YAE1: variants seen among roughly 807,000 people sequenced by gnomAD.
YAE1 encodes YAE1 maturation factor of ABCE1.
YAE1 carries 22 observed loss-of-function variants against 23.0 expected under a neutral mutation model. The observed-to-expected ratio is 0.96, with a 90% confidence interval of 0.68 to 1.37. The LOEUF is 1.37. Among genes scored for constraint, YAE1 ranks in the 40% most tolerant of loss-of-function variants. The pLI is 0.00. For synonymous variants in YAE1, 101 were observed against 97.0 expected (o/e 1.04, Z -0.24); for missense variants, 260 against 262.1 (o/e 0.99, Z 0.06).
At chr7:39,599,138 G>T (rs900455185) in intron 2 of YAE1, among the ~76,000 whole-genome samples, 2 of 151,986 alleles carry the variant, frequency 1.3e-5, no homozygotes, top group African/African-American at 4.8e-5. Flanking sequence ...TCCTAGAGAG[G>T]CTGAGGCTCG....
At chr7:39,594,107 AC>A (rs1790943667) in intron 2 of YAE1, among the ~76,000 whole-genome samples, 1 of 152,084 alleles carries the variant, frequency 6.6e-6, no homozygotes. Context: ...CAAACTCCAA[AC>A]TCTACCCCCT....
chr7:39,578,900 A>G (rs933637458), intron 2 of YAE1, among the ~76,000 whole-genome samples: 2 of 152,252 alleles, frequency 1.3e-5, no homozygotes, highest in Non-Finnish European at 2.9e-5. Flanking sequence ...AGTTAATATT[A>G]CAATATAGCA....
intron 1 of YAE1, among the ~76,000 whole-genome samples, chr7:39,568,958 C>T (rs1790521538): frequency 6.6e-6 from 1 of 152,076 alleles, no homozygotes; most frequent in Non-Finnish European, 1.5e-5. Flanking sequence ...GGCAAAGTTC[C>T]CATTTATGGG....
At chr7:39,580,389 G>C (rs990625661) in intron 2 of YAE1, among the ~76,000 whole-genome samples, 10 of 152,224 alleles carry the variant, frequency 6.6e-5, no homozygotes, top group African/African-American at 2.4e-4. Context: ...TCCTCAGTGT[G>C]TAACACTCCG....
chr7:39,597,316 T>C (rs1326835311), intron 2 of YAE1, among the ~76,000 whole-genome samples: 2 of 152,160 alleles, frequency 1.3e-5, no homozygotes, highest in Non-Finnish European at 2.9e-5. Context: ...ACACCTGTAA[T>C]CCCAGCACTT....
intron 2 of YAE1, among the ~76,000 whole-genome samples, chr7:39,581,384 A>G (rs1790740419): frequency 6.6e-6 from 1 of 152,248 alleles, no homozygotes; most frequent in South Asian, 2.1e-4. Flanking sequence ...TGACAATAGT[A>G]TAATGATAGC....
chr7:39,597,280 G>A (rs1236822224), intron 2 of YAE1, among the ~76,000 whole-genome samples: 1 of 152,188 alleles, frequency 6.6e-6, no homozygotes, highest in Non-Finnish European at 1.5e-5. Context: ...AGAAAAGAGA[G>A]AGGTTGAGGC....
At position 39,572,481 on chromosome 7, in the gene YAE1, T is replaced by C. The variant is rs1390850573; in HGVS notation, c.456T>C (p.Ile152=). 2.5e-6 allele frequency: 4 copies of C among 1,614,000 alleles called. No individual in the cohort carries two copies. The highest frequency in any genetic ancestry group is 3.4e-6 in the Non-Finnish European group (4 of 1,179,990). ...ATGTAGTTCCAGCTGAGAAAAAGAT[T>C]GATGAAGCTAAAGATGAAAGACTCT... The part of the protein sequence containing the change: ...LCHVVPAEKK[I]DEAKDERLCE... Residue 152 remains isoleucine, a synonymous_variant, in exon 3 of 3, where the codon ATT becomes ATC. Coordinates refer to ENST00000223273, the MANE Select transcript of YAE1 (RefSeq NM_020192.5).
downstream of YAE1, among the ~76,000 whole-genome samples, chr7:39,574,267 A>C (rs1790620133): frequency 6.6e-6 from 1 of 152,218 alleles, no homozygotes; most frequent in East Asian, 1.9e-4. Context: ...AGACTATTGG[A>C]TTGAAAACAT....
chr7:39,607,065 T>A (rs1253379289), intron 2 of YAE1, among the ~76,000 whole-genome samples: 1 of 152,238 alleles, frequency 6.6e-6, no homozygotes, highest in Non-Finnish European at 1.5e-5. Context: ...AAATGTCAAG[T>A]ATTCGCTACA....
At chr7:39,591,511 A>T (rs1338679170) in intron 2 of YAE1, among the ~76,000 whole-genome samples, 3 of 151,782 alleles carry the variant, frequency 2.0e-5, no homozygotes, top group African/African-American at 4.8e-5. Flanking sequence ...AGGATTTTTT[A>T]AAATAGACTT....
At chr7:39,599,110 C>T (rs1008759963) in intron 2 of YAE1, among the ~76,000 whole-genome samples, 3 of 151,930 alleles carry the variant, frequency 2.0e-5, no homozygotes, top group African/African-American at 7.3e-5. Context: ...CGAGGTGGTG[C>T]ATGGCTATAA....
intron 2 of YAE1, among the ~76,000 whole-genome samples, chr7:39,578,210 T>G (rs1339943011): frequency 6.6e-6 from 1 of 152,206 alleles, no homozygotes; most frequent in Non-Finnish European, 1.5e-5. Flanking sequence ...GCTAATCTGG[T>G]AGGGAGTTGG....
Position 39,566,454 on chromosome 7 carries a change from C to T in YAE1, c.36C>T (p.Gly12=). Residue 12 remains glycine (G), a synonymous_variant, in exon 1 of 3, where the codon GGC becomes GGT. Transcript: ENST00000223273. ...SWVQAASLIQ[G]PGDKGDVFDE... ...TTCAAGCAGCCTCCTTGATCCAGGGCCCTGGAGACAAAGGGGACGTGTTTG... is the reference window on the plus strand; with the variant it reads ...TTCAAGCAGCCTCCTTGATCCAGGGTCCTGGAGACAAAGGGGACGTGTTTG... 6.2e-7 allele frequency: 1 copy of T among 1,614,192 alleles called. No homozygotes were observed. The highest frequency in any genetic ancestry group is 1.1e-5 in the South Asian group (1 of 91,082).
Position 39,572,286 on chromosome 7 carries a change from C to T in YAE1, c.261C>T (p.Leu87=). The T allele has an allele frequency of 1.2e-6, 2 of 1,610,824 alleles. No individual in the cohort carries two copies. Among genetic ancestry groups the T allele is most frequent in the South Asian group, 1.1e-5 (1 of 90,484 alleles). The change falls in exon 3 of 3, where the codon CTC becomes CTT. Residue 87 remains leucine (L), a synonymous_variant. Transcript: ENST00000223273. ...GRLRGTLSAL[L]SWCHLHNNNS... ...TTATACTTTTGTTCAGTGCTTTGCT[C>T]TCCTGGTGTCACCTTCATAATAATA...
At chr7:39,588,612 TC>T (rs1583677610) in intron 2 of YAE1, among the ~76,000 whole-genome samples, 1 of 151,998 alleles carries the variant, frequency 6.6e-6, no homozygotes, top group South Asian at 2.1e-4. Flanking sequence ...TAATGGAAGT[TC>T]CGTCTCAAAG....
intron 2 of YAE1, among the ~76,000 whole-genome samples, chr7:39,578,549 G>A (rs1307956098): frequency 5.3e-5 from 8 of 152,162 alleles, no homozygotes; most frequent in African/African-American, 1.4e-4. Flanking sequence ...TGAGGCCAGC[G>A]AGACCACGAA....
intron 1 of YAE1, chr7:39,569,710 T>C: frequency 5.6e-6 from 4 of 719,432 alleles, no homozygotes; most frequent in Non-Finnish European, 1.1e-5. Context: ...TTATGGCAAG[T>C]CCTGATCCAC....
intron 2 of YAE1, among the ~76,000 whole-genome samples, chr7:39,583,198 G>A (rs890025639): frequency 2.0e-5 from 3 of 152,042 alleles, no homozygotes; most frequent in African/African-American, 7.2e-5. Context: ...TAGAAACAAG[G>A]AATATGTTAT....
Sources: allele counts gnomAD v4.1 joint callset (sites outside exome capture counted in the v4.1 genomes callset), GRCh38; gene constraint gnomAD v4.1.1; transcripts MANE v1.5; gene names NCBI Gene and HGNC (gene_info 2026-07-23, HGNC 2026-07-21).